Variants in ADAM22 observed in about 807,000 individuals in gnomAD.
ADAM22 encodes the protein disintegrin and metalloproteinase domain-containing protein 22.
ADAM22 carries 65 observed loss-of-function variants against 144.6 expected under a neutral mutation model. The ratio of observed to expected loss-of-function variants is 0.45; its 90% CI spans 0.37 to 0.55. ADAM22 has a LOEUF of 0.55. Ranked by LOEUF, ADAM22 falls within the 20% of genes least tolerant of loss-of-function variation. ADAM22 has a pLI of 0.00. For missense variants in ADAM22, 974 were observed against 1,184.9 expected (o/e 0.82, Z 2.61); for synonymous variants, 391 against 412.6 (o/e 0.95, Z 0.63).
chr7:88,153,733 C>T (rs1839123438), intron 21 of ADAM22, among the ~76,000 whole-genome samples: 1 of 152,162 alleles, frequency 6.6e-6, no homozygotes, highest in South Asian at 2.1e-4. Flanking sequence ...TTAAAGTGAT[C>T]CTTCCCTCTA....
chr7:88,079,505 T>C (rs900357079), intron 4 of ADAM22, among the ~76,000 whole-genome samples: 1 of 152,066 alleles, frequency 6.6e-6, no homozygotes, highest in African/African-American at 2.4e-5. Flanking sequence ...AATACTAACC[T>C]TAAATGTAAA....
intron 3 of ADAM22, among the ~76,000 whole-genome samples, chr7:88,031,829 C>T (rs1360451887): frequency 3.3e-5 from 5 of 152,334 alleles, no homozygotes; most frequent in Admixed American, 3.3e-4. Context: ...TCCCTCTGTC[C>T]CAGCCACTCC....
chr7:88,149,507 T>C (rs895509410), intron 18 of ADAM22, among the ~76,000 whole-genome samples: 5 of 152,182 alleles, frequency 3.3e-5, no homozygotes, highest in African/African-American at 1.2e-4. Flanking sequence ...TTGAATTTTA[T>C]AGCACTTAGT....
At position 88,075,617 on chromosome 7, in the gene ADAM22, T is replaced by C; in HGVS notation, c.324-9T>C. 2 of 1,612,768 alleles carry C rather than the reference T, an allele frequency of 1.2e-6. 1 individual carries two copies. Among genetic ancestry groups the C allele is most frequent in the Middle Eastern group, 3.4e-4 (2 of 5,878 alleles). ...CCTCTTTAGTCATCATTTATTTTTG[T>C]TGTTGCAGTGATTTGCTGTCCTCTG... On this transcript the variant is annotated splice_polypyrimidine_tract_variant and intron_variant, in intron 3 of 31. Coordinates refer to ENST00000413139, the MANE Select transcript of ADAM22 (RefSeq NM_001324418.2).
At position 87,967,802 on chromosome 7, in the gene ADAM22, T is replaced by C. The variant is rs571727045; in HGVS notation, c.247-10534T>C. ...CAGCCTGAGCGACAGAGTGAGACTC[T>C]GTCTCAAAAAAAAAAAAAAAAAAAA... On this transcript the variant is annotated intron_variant, in intron 2 of 31. Transcript: ENST00000413139. Among the ~76,000 whole-genome samples, 251 of 82,090 alleles carry C rather than the reference T, an allele frequency of 3.1e-3. 2 individuals are homozygous for C. The highest frequency in any genetic ancestry group is 0.018 in the African/African-American group (242 of 13,400). The allele number at this position is 82,090 out of a possible 152,430, so 53.9% of individuals were successfully genotyped here.
chr7:88,153,322 A>G lies in ADAM22; in HGVS notation c.1783A>G (p.Lys595Glu), dbSNP rs755256592. The change falls in exon 21 of 32, where the codon AAA becomes GAA. Residue 595 changes from lysine (K) to glutamate (E), a missense_variant. Coordinates refer to ENST00000413139, the MANE Select transcript of ADAM22 (RefSeq NM_001324418.2). ...KDKDTWIQCN[K>E]RDVLCGYLLC... is the part of the protein sequence containing the mutation. ...CAAAGACACATGGATACAGTGCAAC[A>G]AACGGTGAGGTGGAGACGTCAGCCC... 2 of 1,612,210 alleles carry G rather than the reference A, an allele frequency of 1.2e-6. No homozygotes were observed. Among genetic ancestry groups the G allele is most frequent in the Non-Finnish European group, 1.7e-6 (2 of 1,178,920 alleles).
At chr7:88,092,342 A>G (rs1019095202) in intron 4 of ADAM22, among the ~76,000 whole-genome samples, 7 of 152,322 alleles carry the variant, frequency 4.6e-5, no homozygotes, top group African/African-American at 1.4e-4. Flanking sequence ...GGAAGAGAGT[A>G]AAAGAGCCAT....
rs1554478728 is a variant in ADAM22 at position 88,113,703 on chromosome 7, A to AT, written c.474-881_474-880insT. 3.0e-3 allele frequency among the ~76,000 whole-genome samples: 143 copies of AT among 48,084 alleles called. 4 individuals carry two copies. Among genetic ancestry groups the AT allele is most frequent in the African/African-American group, 5.2e-3 (65 of 12,494 alleles). The allele number at this position is 48,084 out of a possible 152,430, so 31.5% of individuals were successfully genotyped here. On this transcript the variant is annotated intron_variant, in intron 5 of 31. Coordinates refer to ENST00000413139, the MANE Select transcript of ADAM22 (RefSeq NM_001324418.2). ...TATATATATTATAAATAAATAAATA[A>AT]ATATATATATATATATATATATATA... is the stretch of plus-strand genomic sequence containing the variant.
At position 88,143,510 on chromosome 7, in the gene ADAM22, T is replaced by C. The variant is rs1380858283; in HGVS notation, c.1320+385T>C. Among the ~76,000 whole-genome samples the C allele has an allele frequency of 2.6e-5, 4 of 152,320 alleles. No homozygotes were observed. In the East Asian group the frequency reaches 7.7e-4, roughly 29 times the overall value. ...GTAGAAGGTGGGGGCTTATCTACCC[T>C]CATCACTCCCTATCACTGCCTTTCT... On this transcript the variant is annotated intron_variant, in intron 15 of 31. Coordinates refer to ENST00000413139, the MANE Select transcript of ADAM22 (RefSeq NM_001324418.2).
chr7:88,101,785 C>T (rs1194375412), intron 4 of ADAM22, among the ~76,000 whole-genome samples: 1 of 152,158 alleles, frequency 6.6e-6, no homozygotes, highest in Non-Finnish European at 1.5e-5. Flanking sequence ...TGAGGAGCTT[C>T]AGAATCAGAA....
chr7:87,982,355 T>C (rs1384507214), intron 3 of ADAM22, among the ~76,000 whole-genome samples: 2 of 151,560 alleles, frequency 1.3e-5, no homozygotes, highest in African/African-American at 4.9e-5. Context: ...AGGCCATCTC[T>C]AAGGAGGTGA....
intron 4 of ADAM22, among the ~76,000 whole-genome samples, chr7:88,103,713 CT>C (rs1289347154): frequency 6.6e-6 from 1 of 152,106 alleles, no homozygotes; most frequent in Non-Finnish European, 1.5e-5. Flanking sequence ...AGGCTTTTCT[CT>C]TTTCCTGCAA....
intron 3 of ADAM22, among the ~76,000 whole-genome samples, chr7:87,988,237 G>A (rs1161224983): frequency 2.6e-5 from 4 of 152,198 alleles, no homozygotes; most frequent in African/African-American, 9.7e-5. Flanking sequence ...GCAAGGCATA[G>A]CATCATGGTT....
At chr7:88,155,045 A>C (rs1839545414) in intron 21 of ADAM22, among the ~76,000 whole-genome samples, 1 of 152,222 alleles carries the variant, frequency 6.6e-6, no homozygotes, top group Admixed American at 6.5e-5. Flanking sequence ...AAGTTAAGTT[A>C]GAATCATATG....
chr7:88,178,029 T>G (rs749777695), intron 26 of ADAM22, among the ~76,000 whole-genome samples: 23 of 152,166 alleles, frequency 1.5e-4, no homozygotes, highest in Non-Finnish European at 2.8e-4. Context: ...ATGACCAGAT[T>G]AGCTATTGCA....
intron 3 of ADAM22, among the ~76,000 whole-genome samples, chr7:88,068,672 G>T (rs748762746): frequency 6.6e-6 from 1 of 152,174 alleles, no homozygotes; most frequent in East Asian, 1.9e-4. Flanking sequence ...TATGCTTTAT[G>T]TAGTGTCAGC....
intron 3 of ADAM22, among the ~76,000 whole-genome samples, chr7:88,027,961 T>A (rs1475352589): frequency 6.6e-6 from 1 of 152,170 alleles, no homozygotes; most frequent in Non-Finnish European, 1.5e-5. Context: ...CGGCTAATTT[T>A]GTATTTTTAG....
At chr7:88,040,531 C>A (rs1802873692) in intron 3 of ADAM22, among the ~76,000 whole-genome samples, 2 of 152,086 alleles carry the variant, frequency 1.3e-5, no homozygotes, top group South Asian at 4.1e-4. Flanking sequence ...CTTCCCCTGT[C>A]ATCCAAGTTT....
At position 88,164,471 on chromosome 7, in the gene ADAM22, CA is replaced by C. The variant is rs886889649; in HGVS notation, c.2076+1297del. Among the ~76,000 whole-genome samples the C allele has an allele frequency of 8.6e-5, 13 of 151,906 alleles. No individual in the cohort carries two copies. The East Asian group carries it at 1.5e-3, about 18-fold the overall frequency. ...ACTTACAGCAACTCTATATTTGTGT[CA>C]AAAAATTAATATAAGAAAAATTAAT... On this transcript the variant is annotated intron_variant, in intron 23 of 31. Coordinates refer to ENST00000413139, the MANE Select transcript of ADAM22 (RefSeq NM_001324418.2).
Sources: allele counts gnomAD v4.1 joint callset (sites outside exome capture counted in the v4.1 genomes callset), GRCh38; gene constraint gnomAD v4.1.1; transcripts MANE v1.5; gene names NCBI Gene and HGNC (gene_info 2026-07-23, HGNC 2026-07-21).